Variants in CNBD1 observed in about 807,000 individuals in gnomAD.
CNBD1 encodes the protein cyclic nucleotide-binding domain-containing protein 1.
CNBD1 carries 71 observed loss-of-function variants against 54.4 expected under a neutral mutation model. The ratio of observed to expected loss-of-function variants is 1.30; its 90% CI spans 1.08 to 1.59. The LOEUF (loss-of-function observed/expected upper bound fraction) is 1.59, where lower values mean the gene tolerates loss of function less well. CNBD1 is among the 40% of genes most tolerant of loss of function. The pLI, the probability that CNBD1 is intolerant of heterozygous loss-of-function variation, is 0.00. For synonymous variants in CNBD1, 182 were observed against 170.7 expected, an observed-to-expected ratio of 1.07 and a Z score of -0.51; for missense variants, 659 against 518.0, an observed-to-expected ratio of 1.27 and a Z score of -2.64.
rs560969928 is a variant in CNBD1, at chr8:87,350,843, T to C, written c.1043-842T>C. Among the ~76,000 whole-genome samples the C allele has an allele frequency of 5.3e-5, 8 of 152,264 alleles. No individual in the cohort carries two copies. The South Asian group carries it at 1.7e-3, about 32-fold the overall frequency. ...ATATTGCCAAGTATTTAAATCATGA[T>C]GATAATTTAAAATGTTATGTAGATC... On this transcript the variant is annotated intron_variant, in intron 8 of 10. Transcript: ENST00000518476.
chr8:87,111,095 A>G (rs751878069), intron 4 of CNBD1, among the ~76,000 whole-genome samples: 1 of 152,200 alleles, frequency 6.6e-6, no homozygotes, highest in Non-Finnish European at 1.5e-5. Context: ...GCTAAAACTA[A>G]TCTCTGCAAT....
chr8:87,161,240 G>T (rs533585021), intron 4 of CNBD1, among the ~76,000 whole-genome samples: 1 of 152,136 alleles, frequency 6.6e-6, no homozygotes, highest in Admixed American at 6.6e-5. Context: ...AAGAAAGAGT[G>T]GAAGTGAAAG....
chr8:86,966,101 C>T (rs959577605), intron 4 of CNBD1, among the ~76,000 whole-genome samples: 3 of 152,146 alleles, frequency 2.0e-5, no homozygotes, highest in Admixed American at 2.0e-4. Flanking sequence ...ATGGGTGGGC[C>T]CAGAAGAGCC....
At position 87,382,811 on chromosome 8, in the gene CNBD1, T is replaced by A; in HGVS notation, c.*184T>A. 4.4e-6 allele frequency: 2 copies of A among 453,132 alleles called. No homozygotes were observed. The highest frequency in any genetic ancestry group is 3.7e-5 in the Admixed American group (1 of 26,882). The allele number at this position is 453,132 out of a possible 1,614,324, so 28.1% of individuals were successfully genotyped here. A position where few individuals can be genotyped will look rare whatever the true frequency, so the allele number is the denominator to read the frequency against. On this transcript the variant is annotated 3_prime_UTR_variant, in exon 11 of 11. Coordinates refer to ENST00000518476, the MANE Select transcript of CNBD1 (RefSeq NM_173538.3). ...TCAAACACAGTTTTTATTAGCAGTC[T>A]TTCTTGGTTTGGATACTAAAATAAA...
chr8:87,029,515 T>G (rs898256488), intron 4 of CNBD1, among the ~76,000 whole-genome samples: 1 of 152,216 alleles, frequency 6.6e-6, no homozygotes, highest in East Asian at 1.9e-4. Flanking sequence ...ACAAAATCCC[T>G]CATGTGCTCT....
At chr8:87,184,157 G>C (rs1306536095) in intron 4 of CNBD1, among the ~76,000 whole-genome samples, 2 of 152,202 alleles carry the variant, frequency 1.3e-5, no homozygotes, top group African/African-American at 4.8e-5. Flanking sequence ...GAATGCTGCA[G>C]GCAGGTTTGT....
At chr8:87,327,560 C>G (rs917954942) in intron 8 of CNBD1, among the ~76,000 whole-genome samples, 1 of 152,148 alleles carries the variant, frequency 6.6e-6, no homozygotes, top group East Asian at 1.9e-4. Flanking sequence ...GGGAGTGACC[C>G]GATTTTCCAG....
At chr8:87,220,302 C>A (rs1246347907) in intron 5 of CNBD1, among the ~76,000 whole-genome samples, 1 of 151,228 alleles carries the variant, frequency 6.6e-6, no homozygotes, top group Non-Finnish European at 1.5e-5. Flanking sequence ...TCGTAGTTTG[C>A]CTTACCAATA....
chr8:86,989,566 T>C (rs1808694450), intron 4 of CNBD1, among the ~76,000 whole-genome samples: 1 of 152,154 alleles, frequency 6.6e-6, no homozygotes, highest in African/African-American at 2.4e-5. Context: ...TTCTCCTGTC[T>C]CAGCCTCCCA....
intron 4 of CNBD1, among the ~76,000 whole-genome samples, chr8:87,061,820 G>A (rs149235975): frequency 1.3e-5 from 2 of 152,318 alleles, no homozygotes; most frequent in South Asian, 2.1e-4. Flanking sequence ...TAAAAAAGGA[G>A]CTCTGGCAGA....
chr8:86,898,976 A>C (rs1808891095), intron 2 of CNBD1, among the ~76,000 whole-genome samples: 1 of 152,296 alleles, frequency 6.6e-6, no homozygotes. Flanking sequence ...TTATATACCC[A>C]ATGGAATACT....
At chr8:86,879,894 C>T (rs1038450637) in intron 1 of CNBD1, among the ~76,000 whole-genome samples, 6 of 151,528 alleles carry the variant, frequency 4.0e-5, no homozygotes, top group Admixed American at 6.6e-5. Flanking sequence ...AAAAGAAAGA[C>T]GGAGAGAATG....
intron 4 of CNBD1, among the ~76,000 whole-genome samples, chr8:87,191,992 G>T (rs1029293883): frequency 7.9e-5 from 12 of 152,072 alleles, no homozygotes; most frequent in African/African-American, 2.9e-4. Context: ...ATAATTGGTT[G>T]TGAATCTAAA....
intron 4 of CNBD1, among the ~76,000 whole-genome samples, chr8:87,041,042 T>C (rs1810056158): frequency 6.6e-6 from 1 of 152,070 alleles, no homozygotes. Flanking sequence ...GCAGTAGTAA[T>C]TGCAGTTTTT....
rs867148152 is a variant in CNBD1 at position 87,199,105 on chromosome 8, A to G, written c.432-6888A>G. Among the ~76,000 whole-genome samples the G allele has an allele frequency of 3.9e-5, 6 of 152,312 alleles. No homozygotes were observed. The South Asian group carries it at 8.3e-4, about 21-fold the overall frequency. On this transcript the variant is annotated intron_variant, in intron 4 of 10. Coordinates refer to ENST00000518476, the MANE Select transcript of CNBD1 (RefSeq NM_173538.3). ...TACCACTGAGAGCATGGCCCAAGCC[A>G]TTTGTGAGGAATCCACTCCCAGGAT... is the stretch of plus-strand genomic sequence containing the variant.
intron 10 of CNBD1, among the ~76,000 whole-genome samples, chr8:87,368,219 GATTTGGGAAGTAGCC>G (rs1369529831): frequency 6.8e-6 from 1 of 146,222 alleles, no homozygotes; most frequent in East Asian, 1.9e-4. Context: ...TTGGTTGGGT[GATTTGGGAAGTAGCC>G]TAAGAATGTA....
At chr8:86,914,788 CAGAA>C (rs1356053926) in intron 3 of CNBD1, among the ~76,000 whole-genome samples, 3 of 151,946 alleles carry the variant, frequency 2.0e-5, no homozygotes, top group African/African-American at 4.8e-5. Context: ...AGTGCACTCT[CAGAA>C]AGAAAAAAGA....
At chr8:87,224,056 G>A (rs1214331265) in intron 5 of CNBD1, among the ~76,000 whole-genome samples, 2 of 151,240 alleles carry the variant, frequency 1.3e-5, no homozygotes, top group African/African-American at 4.9e-5. Context: ...AGAAGTGTCT[G>A]TTCATGTCCT....
intron 4 of CNBD1, among the ~76,000 whole-genome samples, chr8:87,053,827 T>C (rs114979369): frequency 9.3e-4 from 141 of 152,342 alleles, no homozygotes; most frequent in African/African-American, 3.2e-3. Context: ...TAGCTCTAAA[T>C]ACCTATATTC....
Sources: gnomAD v4.1 joint callset for allele counts (sites outside exome capture counted in the v4.1 genomes callset) on GRCh38, gnomAD v4.1.1 for gene constraint, MANE v1.5 for transcripts, NCBI Gene and HGNC (gene_info 2026-07-23, HGNC 2026-07-21) for gene names.